HERC3: variants seen among roughly 807,000 people sequenced by gnomAD.
HERC3 encodes the protein HECT and RLD domain containing E3 ubiquitin protein ligase 3.
Under a neutral mutation model 129.9 loss-of-function variants are expected in HERC3, and 58 were observed. The observed-to-expected ratio is 0.45, with a 90% confidence interval of 0.36 to 0.56. The LOEUF is 0.56. Among genes scored for constraint, HERC3 ranks in the 20% least tolerant of loss-of-function variants. The pLI is 0.00. For synonymous variants in HERC3, 430 were observed against 451.0 expected (o/e 0.95, Z 0.59); for missense variants, 835 against 1,244.2 (o/e 0.67, Z 4.95).
At chr4:88,666,245 A>G (rs1731035951) in intron 12 of HERC3, among the ~76,000 whole-genome samples, 1 of 152,194 alleles carries the variant, frequency 6.6e-6, no homozygotes, top group Non-Finnish European at 1.5e-5. Flanking sequence ...TGTGTATTTC[A>G]GAAAGTCTAC....
intron 3 of HERC3, among the ~76,000 whole-genome samples, chr4:88,631,989 C>G (rs1726823106): frequency 6.6e-6 from 1 of 152,162 alleles, no homozygotes; most frequent in Middle Eastern, 3.2e-3. Context: ...CTTGAAGTAC[C>G]ACTAAGCTGG....
chr4:88,538,234 C>T, the HERC3 span, among the ~76,000 whole-genome samples: 1 of 152,164 alleles, frequency 6.6e-6, no homozygotes, highest in African/African-American at 2.4e-5. Context: ...TGGAGTACAA[C>T]ATTTCCTTCT....
chr4:88,568,410 A>C, the HERC3 span, among the ~76,000 whole-genome samples: 1 of 152,218 alleles, frequency 6.6e-6, no homozygotes, highest in African/African-American at 2.4e-5. Flanking sequence ...AATGTCATCC[A>C]TGAGCCAGGG....
intron 23 of HERC3, chr4:88,690,641 A>G (rs1438840406): frequency 2.0e-6 from 2 of 984,110 alleles, no homozygotes; most frequent in Non-Finnish European, 2.4e-6. Context: ...GCAATTGGCA[A>G]TGTAGTCTGC....
At chr4:88,552,915 T>G in the HERC3 span, among the ~76,000 whole-genome samples, 1 of 152,184 alleles carries the variant, frequency 6.6e-6, no homozygotes, top group Non-Finnish European at 1.5e-5. Context: ...CCAACCACAT[T>G]TATTGGACTG....
intron 23 of HERC3, among the ~76,000 whole-genome samples, chr4:88,694,653 C>T (rs1334770167): frequency 6.6e-6 from 1 of 152,194 alleles, no homozygotes; most frequent in South Asian, 2.1e-4. Context: ...TATTAGGTTC[C>T]AGATCCAGTT....
At chr4:88,602,402 CAAAAAAAAAAAA>C (rs112656963) in intron 2 of HERC3, among the ~76,000 whole-genome samples, 2 of 51,196 alleles carry the variant, frequency 3.9e-5, no homozygotes, top group Non-Finnish European at 7.4e-5. Flanking sequence ...ACTTGGTCTC[CAAAAAAAAAAAA>C]AAAAAAAAAA....
At position 88,660,026 on chromosome 4, in the gene HERC3, A is replaced by C. The variant is rs991477047; in HGVS notation, c.1146+1535A>C. The stretch of plus-strand genomic sequence containing the variant: ...AGTGTAAGATCACAAAGAAAAAGGA[A>C]AGTAAACATTACTTAAGAAGATGTT... On this transcript the variant is annotated intron_variant, in intron 10 of 25. Coordinates refer to ENST00000402738, the MANE Select transcript of HERC3 (RefSeq NM_014606.3). Among the ~76,000 whole-genome samples the C allele has an allele frequency of 4.6e-5, 7 of 152,288 alleles. No homozygotes were observed. In the East Asian group the frequency reaches 1.2e-3, roughly 25 times the overall value.
At chr4:88,654,592 C>G (rs1729685011) in intron 7 of HERC3, among the ~76,000 whole-genome samples, 1 of 148,816 alleles carries the variant, frequency 6.7e-6, no homozygotes, top group Non-Finnish European at 1.5e-5. Context: ...GTCCTATGTT[C>G]CTTTAAAACA....
At chr4:88,668,839 G>T (rs945449804) in intron 14 of HERC3, among the ~76,000 whole-genome samples, 1 of 152,060 alleles carries the variant, frequency 6.6e-6, no homozygotes, top group Admixed American at 6.6e-5. Flanking sequence ...TTTCTATATT[G>T]CCTCCACCTT....
intron 2 of HERC3, among the ~76,000 whole-genome samples, chr4:88,604,657 A>G (rs1295580902): frequency 6.6e-6 from 1 of 152,228 alleles, no homozygotes; most frequent in Non-Finnish European, 1.5e-5. Flanking sequence ...GTTTTATTTA[A>G]CCATTCATCA....
intron 3 of HERC3, among the ~76,000 whole-genome samples, chr4:88,617,162 A>C (rs2149214225): frequency 6.8e-6 from 1 of 146,772 alleles, no homozygotes; most frequent in East Asian, 2.0e-4. Flanking sequence ...GCAATATAGT[A>C]AGACCCTGTC....
At chr4:88,544,860 G>A in the HERC3 span, among the ~76,000 whole-genome samples, 1 of 152,084 alleles carries the variant, frequency 6.6e-6, no homozygotes, top group Non-Finnish European at 1.5e-5. Context: ...ATGAGAACAC[G>A]TGGACACAGG....
chr4:88,526,848 A>G, the HERC3 span, among the ~76,000 whole-genome samples: 2 of 152,222 alleles, frequency 1.3e-5, no homozygotes, highest in African/African-American at 4.8e-5. Flanking sequence ...TTTATTTTAA[A>G]AACAAAAATC....
intron 3 of HERC3, among the ~76,000 whole-genome samples, chr4:88,635,532 A>G (rs2930804): frequency 0.37 from 56,646 of 151,858 alleles, 12,526 homozygotes; most frequent in African/African-American, 0.6. Flanking sequence ...ACTGATTGGA[A>G]TACCTGAAAG....
chr4:88,697,159 C>T (rs1734679758), intron 23 of HERC3: 3 of 1,453,212 alleles, frequency 2.1e-6, no homozygotes, highest in Non-Finnish European at 2.7e-6. Context: ...AAAACAAAAC[C>T]AGGCTTTTTT....
At chr4:88,644,389 G>T (rs1358445196) in intron 3 of HERC3, among the ~76,000 whole-genome samples, 1 of 152,140 alleles carries the variant, frequency 6.6e-6, no homozygotes, top group African/African-American at 2.4e-5. Flanking sequence ...ACAGTGCTCT[G>T]TAGTTCATCC....
chr4:88,645,082 T>TA (rs1728546910), intron 3 of HERC3, among the ~76,000 whole-genome samples: 1 of 152,240 alleles, frequency 6.6e-6, no homozygotes, highest in Admixed American at 6.5e-5. Context: ...TTTGCCGAGA[T>TA]ACAGTGTATC....
In HERC3 at chr4:88,707,367, G is replaced by A. The variant is rs1735866501; in HGVS notation, c.*407G>A. Reference sequence around the variant, plus strand: ...CTCTTAACTTCTCATTCCTCTATAAGAATGATTTAGACTGACCTGTCCTTT... The same window carrying A: ...CTCTTAACTTCTCATTCCTCTATAAAAATGATTTAGACTGACCTGTCCTTT... On this transcript the variant is annotated 3_prime_UTR_variant, in exon 26 of 26. Transcript: ENST00000402738. The A allele has an allele frequency of 5.1e-6, 1 of 195,058 alleles. No homozygotes were observed. Among genetic ancestry groups the A allele is most frequent in the Non-Finnish European group, 1.1e-5 (1 of 93,594 alleles). The allele number at this position is 195,058 out of a possible 1,614,324, so 12.1% of individuals were successfully genotyped here. A position where few individuals can be genotyped will look rare whatever the true frequency, so the allele number is the denominator to read the frequency against.
Sources: allele counts gnomAD v4.1 joint callset (sites outside exome capture counted in the v4.1 genomes callset), GRCh38; gene constraint gnomAD v4.1.1; transcripts MANE v1.5; gene names NCBI Gene and HGNC (gene_info 2026-07-23, HGNC 2026-07-21).